The following TRAT1 variants were observed in gnomAD, a reference collection of about 807,000 sequenced individuals.
TRAT1 encodes T-cell receptor-associated transmembrane adapter 1.
In TRAT1, 20 loss-of-function variants were observed where a neutral mutation model predicts 20.0. That is an observed-to-expected ratio of 1.00 (90% CI 0.70 to 1.45). The LOEUF is 1.45. Among genes scored for constraint, TRAT1 ranks in the 40% most tolerant of loss-of-function variants. The probability of loss-of-function intolerance (pLI) is 0.00; values close to 1 mark genes in which losing one functional copy is unlikely to be tolerated. For synonymous variants in TRAT1, 77 were observed against 74.2 expected (o/e 1.04, Z -0.20); for missense variants, 237 against 224.1 (o/e 1.06, Z -0.37).
intron 3 of TRAT1, among the ~76,000 whole-genome samples, chr3:108,844,843 C>CAAAAAAAAAAAAAAAAA (rs71103495): frequency 2.7e-4 from 13 of 47,828 alleles, no homozygotes; most frequent in African/African-American, 1.0e-3. Context: ...GACTCTGTCT[C>CAAAAAAAAAAAAAAAAA]AAAAAAAAAA....
intron 5 of TRAT1, among the ~76,000 whole-genome samples, chr3:108,851,402 G>C (rs955232140): frequency 6.6e-6 from 1 of 152,268 alleles, no homozygotes; most frequent in South Asian, 2.1e-4. Flanking sequence ...ACAAGTGTGA[G>C]CTTGCTCCTC....
chr3:108,833,256 A>G (rs1945810662), intron 2 of TRAT1, among the ~76,000 whole-genome samples: 1 of 152,258 alleles, frequency 6.6e-6, no homozygotes, highest in East Asian at 1.9e-4. Flanking sequence ...CATCTCTACT[A>G]AAATTACAAA....
chr3:108,843,039 G>A (rs976856408), intron 3 of TRAT1, among the ~76,000 whole-genome samples: 11 of 151,350 alleles, frequency 7.3e-5, no homozygotes, highest in South Asian at 2.1e-4. Context: ...GCCCTCCTGC[G>A]CCAAGTTCAA....
intron 5 of TRAT1, among the ~76,000 whole-genome samples, chr3:108,853,307 A>C (rs1027732946): frequency 2.0e-5 from 3 of 152,172 alleles, no homozygotes; most frequent in Admixed American, 1.3e-4. Context: ...CAGGGCCAGA[A>C]CTACCTTAGG....
At position 108,854,174 on chromosome 3, in the gene TRAT1, G is replaced by A. The variant is rs1167105740; in HGVS notation, c.*297G>A. The A allele has an allele frequency of 1.2e-5, 3 of 248,688 alleles. No individual in the cohort carries two copies. The highest frequency in any genetic ancestry group is 6.6e-5 in the African/African-American group (3 of 45,386). The allele number at this position is 248,688 out of a possible 1,614,324, so 15.4% of individuals were successfully genotyped here. A position where few individuals can be genotyped will look rare whatever the true frequency, so the allele number is the denominator to read the frequency against. On this transcript the variant is annotated 3_prime_UTR_variant, in exon 6 of 6. Coordinates refer to ENST00000295756, the MANE Select transcript of TRAT1 (RefSeq NM_016388.4). ...TAATAAGACCCAGCTTGAAAATTGAGCCTGATAACAAGATTACAAATTCAC... is the reference window on the plus strand; with the variant it reads ...TAATAAGACCCAGCTTGAAAATTGAACCTGATAACAAGATTACAAATTCAC...
rs1945957834 is a variant in TRAT1, at chr3:108,847,446, G to A, written c.214+317G>A. The stretch of plus-strand genomic sequence containing the variant: ...ATTCTATGAAATAAAGCTATTTCTA[G>A]GACAGAAAGTGGTCCACAGAAACAG... On this transcript the variant is annotated intron_variant, in intron 4 of 5. Transcript: ENST00000295756. 21 of 233,722 alleles carry A rather than the reference G, an allele frequency of 9.0e-5. No homozygotes were observed. In the South Asian group the frequency reaches 1.6e-3, roughly 17 times the overall value. 14.5% of individuals were successfully genotyped at this position (233,722 alleles called of 1,614,324 possible).
At chr3:108,844,859 A>AAG (rs1945927413) in intron 3 of TRAT1, among the ~76,000 whole-genome samples, 5 of 149,570 alleles carry the variant, frequency 3.3e-5, no homozygotes, top group African/African-American at 4.9e-5. Flanking sequence ...AAAAAAAAAA[A>AAG]AAAAAAAAAA....
At chr3:108,835,045 A>C (rs1416551594) in intron 2 of TRAT1, among the ~76,000 whole-genome samples, 1 of 152,186 alleles carries the variant, frequency 6.6e-6, no homozygotes, top group African/African-American at 2.4e-5. Context: ...CTGGTTTGGA[A>C]AGAAGGATAA....
rs866867229 is a variant in TRAT1, at chr3:108,839,307, G to A, written c.152+340G>A. The A allele has an allele frequency of 2.5e-5, 6 of 244,310 alleles. No individual in the cohort carries two copies. The South Asian group carries it at 3.8e-4, about 15-fold the overall frequency. 15.1% of individuals were successfully genotyped at this position (244,310 alleles called of 1,614,324 possible). On this transcript the variant is annotated intron_variant, in intron 3 of 5. Transcript: ENST00000295756. ...GTGCTACACTTCAAAATCCATAGTA[G>A]AAAACAATCTGGCAACCTAATACAA...
intron 1 of TRAT1, among the ~76,000 whole-genome samples, chr3:108,826,057 A>T (rs180966907): frequency 6.6e-6 from 1 of 152,184 alleles, no homozygotes; most frequent in Non-Finnish European, 1.5e-5. Context: ...CATTGGAGGA[A>T]TCATAATTTA....
chr3:108,853,787 C>A lies in TRAT1; in HGVS notation c.471C>A (p.Ser157=). The stretch of plus-strand genomic sequence containing the variant: ...AGACCACCTTAGTAGACAGTTTCTC[C>A]CCAGAAAGCCAGGCAGTAGAGGAAA... The part of the protein sequence containing the change: ...VSKTTLVDSF[S]PESQAVEENI... The change falls in exon 6 of 6, where the codon TCC becomes TCA. Residue 157 remains serine, a synonymous_variant. Coordinates refer to ENST00000295756, the MANE Select transcript of TRAT1 (RefSeq NM_016388.4). 1 of 1,614,072 alleles carries A rather than the reference C, an allele frequency of 6.2e-7. No individual in the cohort carries two copies.
At chr3:108,836,894 G>T (rs1945846712) in intron 2 of TRAT1, among the ~76,000 whole-genome samples, 1 of 152,106 alleles carries the variant, frequency 6.6e-6, no homozygotes, top group Admixed American at 6.5e-5. Flanking sequence ...GCTACCATTT[G>T]ACTAAATTCT....
At chr3:108,826,550 C>T (rs1287451558) in intron 1 of TRAT1, among the ~76,000 whole-genome samples, 4 of 152,060 alleles carry the variant, frequency 2.6e-5, no homozygotes, top group South Asian at 2.1e-4. Flanking sequence ...TCATGTGTCA[C>T]GTTCAAAAAA....
rs1042740504 is a variant in TRAT1 at position 108,838,823 on chromosome 3, C to T, written c.119-111C>T. The T allele has an allele frequency of 2.4e-5, 20 of 847,036 alleles. No homozygotes were observed. In the African/African-American group the frequency reaches 3.3e-4, roughly 14 times the overall value. 52.5% of individuals were successfully genotyped at this position (847,036 alleles called of 1,614,324 possible). On this transcript the variant is annotated intron_variant, in intron 2 of 5. Transcript: ENST00000295756. Reference sequence around the variant, plus strand: ...TCAGAGGTGCCCTGAGAGCCTTGGTCAAATATATTAATTGACATTGAGGCT... The same window carrying T: ...TCAGAGGTGCCCTGAGAGCCTTGGTTAAATATATTAATTGACATTGAGGCT...
chr3:108,841,367 T>C (rs543530008), intron 3 of TRAT1, among the ~76,000 whole-genome samples: 13 of 152,332 alleles, frequency 8.5e-5, no homozygotes, highest in Admixed American at 4.6e-4. Context: ...TTTCTCTTGC[T>C]TATGTGGTTT....
intron 2 of TRAT1, among the ~76,000 whole-genome samples, chr3:108,831,571 G>A (rs1945793685): frequency 7.3e-6 from 1 of 137,276 alleles, no homozygotes; most frequent in African/African-American, 2.7e-5. Context: ...ACAGGATCTT[G>A]CTCTGTCGCC....
chr3:108,850,285 C>G (rs775476935), intron 5 of TRAT1, among the ~76,000 whole-genome samples: 6 of 150,124 alleles, frequency 4.0e-5, no homozygotes, highest in Non-Finnish European at 8.8e-5. Flanking sequence ...GATAAATCCC[C>G]TAAGAAATCA....
chr3:108,829,912 C>G (rs1281169580), intron 1 of TRAT1, among the ~76,000 whole-genome samples: 1 of 152,088 alleles, frequency 6.6e-6, no homozygotes, highest in Non-Finnish European at 1.5e-5. Flanking sequence ...TATACTTCTT[C>G]TACTTATAAA....
chr3:108,850,346 C>A lies in TRAT1; in HGVS notation c.303+1092C>A, dbSNP rs866252158. Among the ~76,000 whole-genome samples, 4 of 151,672 alleles carry A rather than the reference C, an allele frequency of 2.6e-5. No individual in the cohort carries two copies. In the South Asian group the frequency reaches 6.3e-4, roughly 24 times the overall value. On this transcript the variant is annotated intron_variant, in intron 5 of 5. Coordinates refer to ENST00000295756, the MANE Select transcript of TRAT1 (RefSeq NM_016388.4). ...GAGACAGAGTTTTGCTCTTTGTCGC[C>A]CAGGCTGGAGTGCAATGGCACAATC...
Sources: allele counts gnomAD v4.1 joint callset (sites outside exome capture counted in the v4.1 genomes callset), GRCh38; gene constraint gnomAD v4.1.1; transcripts MANE v1.5; gene names NCBI Gene and HGNC (gene_info 2026-07-23, HGNC 2026-07-21).